BTG4: variants seen among roughly 807,000 people sequenced by gnomAD.
The protein encoded by BTG4 is protein BTG4.
BTG4 carries 10 observed loss-of-function variants against 19.3 expected under a neutral mutation model. That is an observed-to-expected ratio of 0.52 (90% CI 0.32 to 0.88). The LOEUF (loss-of-function observed/expected upper bound fraction) is 0.88. BTG4 is among the 40% of genes least tolerant of loss of function. The probability of loss-of-function intolerance (pLI) is 0.04; values close to 1 mark genes in which losing one functional copy is unlikely to be tolerated. For missense variants in BTG4, 238 were observed against 281.9 expected, an observed-to-expected ratio of 0.84 and a Z score of 1.11; for synonymous variants, 91 against 95.7, an observed-to-expected ratio of 0.95 and a Z score of 0.29.
the BTG4 span, among the ~76,000 whole-genome samples, chr11:111,456,078 GA>G: frequency 6.6e-6 from 1 of 152,218 alleles, no homozygotes; most frequent in South Asian, 2.1e-4. This position sits in a 1 kb window ranked among gnomAD's most constrained non-coding sequence, Gnocchi z 4.2. Context: ...AAGGAGCCTC[GA>G]AAGTGGGAAG....
the BTG4 span, chr11:111,457,299 C>G: frequency 6.6e-6 from 1 of 152,648 alleles, no homozygotes; most frequent in African/African-American, 2.4e-5. Context: ...GCAATCCTCT[C>G]ACCAAGACCT....
downstream of BTG4, among the ~76,000 whole-genome samples, chr11:111,463,974 G>A (rs373888137): frequency 4.6e-5 from 7 of 152,328 alleles, no homozygotes; most frequent in South Asian, 1.5e-3. Context: ...AGGCCAGAGA[G>A]TGAGAGAGGG....
At chr11:111,424,947 C>A in the BTG4 span, among the ~76,000 whole-genome samples, 1,412 of 152,194 alleles carry the variant, frequency 9.3e-3, 11 homozygotes, top group African/African-American at 0.031. Context: ...TAAAAACAAG[C>A]CCGGTCCCCA....
chr11:111,462,808 C>T, downstream of BTG4: 1 of 152,722 alleles, frequency 6.5e-6, no homozygotes, highest in Non-Finnish European at 1.5e-5. Flanking sequence ...GATGCGGCTG[C>T]AGCAAAGCAG....
the BTG4 span, among the ~76,000 whole-genome samples, chr11:111,441,732 C>T: frequency 2.6e-5 from 4 of 152,252 alleles, no homozygotes; most frequent in South Asian, 6.2e-4. Flanking sequence ...GGTTGACGGG[C>T]AGGGGACAGA....
downstream of BTG4, among the ~76,000 whole-genome samples, chr11:111,491,495 C>A (rs1332517678): frequency 2.0e-5 from 3 of 152,000 alleles, no homozygotes; most frequent in Non-Finnish European, 4.4e-5. Context: ...TGCCTGTAAT[C>A]CCTGCACTTT....
the BTG4 span, chr11:111,455,900 G>C: frequency 4.6e-6 from 2 of 434,804 alleles, no homozygotes; most frequent in African/African-American, 2.0e-5. Context: ...TTGGGCCTCA[G>C]CCAGGGCCCC....
At chr11:111,463,591 G>C (rs1863541787), downstream of BTG4, 2 of 152,552 alleles carry the variant, frequency 1.3e-5, no homozygotes, top group African/African-American at 4.8e-5. Context: ...ATAGGCGTGT[G>C]TCCCCAGTAG....
In BTG4 at chr11:111,495,059, C is replaced by T. The variant is rs1386497850; in HGVS notation, c.*76G>A. ...TTTTTTGTTTCATGGGCCTCTCAAC[C>T]TTAAATTCATTTTTATTTTAGAGAG... is the stretch of plus-strand genomic sequence containing the variant. On this transcript the variant is annotated 3_prime_UTR_variant, in exon 5 of 5. Coordinates refer to ENST00000692032, the MANE Select transcript of BTG4 (RefSeq NM_001367975.1). 1 of 1,403,150 alleles carries T rather than the reference C, an allele frequency of 7.1e-7. No homozygotes were observed. The highest frequency in any genetic ancestry group is 9.3e-7 in the Non-Finnish European group (1 of 1,080,418). The allele number at this position is 1,403,150 out of a possible 1,614,324, so 86.9% of individuals were successfully genotyped here.
At chr11:111,508,323 C>T (rs1346508047) in intron 1 of BTG4, among the ~76,000 whole-genome samples, 2 of 151,224 alleles carry the variant, frequency 1.3e-5, no homozygotes, top group Non-Finnish European at 2.9e-5. Flanking sequence ...TTGTATACAT[C>T]TGGGGCTCCT....
chr11:111,442,542 ACACC>A, the BTG4 span, among the ~76,000 whole-genome samples: 95 of 147,542 alleles, frequency 6.4e-4, 1 homozygote, highest in South Asian at 1.9e-3. Flanking sequence ...ACACACACAC[ACACC>A]AGATGAGCCT....
chr11:111,450,864 A>C, the BTG4 span: 6 of 153,580 alleles, frequency 3.9e-5, no homozygotes, highest in Non-Finnish European at 7.3e-5. Context: ...ATCGCAGCTC[A>C]CCTGTTGCCC....
At chr11:111,395,292 G>T in the BTG4 span, among the ~76,000 whole-genome samples, 1 of 152,160 alleles carries the variant, frequency 6.6e-6, no homozygotes, top group Non-Finnish European at 1.5e-5. Flanking sequence ...CCACAGCCCC[G>T]GTGGACTGTC....
the BTG4 span, chr11:111,396,701 C>G: frequency 6.6e-6 from 1 of 152,274 alleles, no homozygotes; most frequent in Non-Finnish European, 1.5e-5. Flanking sequence ...CGTATACTTC[C>G]CTGAAATCAT....
At chr11:111,401,684 T>C in the BTG4 span, among the ~76,000 whole-genome samples, 1 of 152,240 alleles carries the variant, frequency 6.6e-6, no homozygotes, top group African/African-American at 2.4e-5. Context: ...ACTCTTTGGA[T>C]GTAAGATTTA....
At chr11:111,425,895 G>A in the BTG4 span, among the ~76,000 whole-genome samples, 2 of 152,158 alleles carry the variant, frequency 1.3e-5, no homozygotes, top group Non-Finnish European at 2.9e-5. Context: ...GCTGGGCATG[G>A]TGGCACACAC....
At chr11:111,414,774 A>AG in the BTG4 span, 1 of 152,326 alleles carries the variant, frequency 6.6e-6, no homozygotes, top group South Asian at 2.1e-4. Context: ...GCCTCCTCTG[A>AG]GCTTCCCTTT....
chr11:111,427,889 C>A, the BTG4 span, among the ~76,000 whole-genome samples: 1 of 152,174 alleles, frequency 6.6e-6, no homozygotes, highest in East Asian at 1.9e-4. Flanking sequence ...AGAGGCGTCA[C>A]ATCACAAGGC....
the BTG4 span, among the ~76,000 whole-genome samples, chr11:111,419,251 C>T: frequency 6.6e-6 from 1 of 152,242 alleles, no homozygotes; most frequent in Non-Finnish European, 1.5e-5. Context: ...AACACTGATG[C>T]TCAGAGAAGT....
Sources: gnomAD v4.1 joint callset for allele counts (sites outside exome capture counted in the v4.1 genomes callset) on GRCh38, gnomAD v4.1.1 for gene constraint, Gnocchi (gnomAD v3.1) non-coding constraint, MANE v1.5 for transcripts, NCBI Gene and HGNC (gene_info 2026-07-23, HGNC 2026-07-21) for gene names.